GALNT10: variants seen among roughly 807,000 people sequenced by gnomAD.
The protein encoded by GALNT10 is polypeptide N-acetylgalactosaminyltransferase 10, also known as GalNAc transferase 10.
GALNT10 carries 41 observed loss-of-function variants against 75.0 expected under a neutral mutation model. That is an observed-to-expected ratio of 0.55 (90% CI 0.43 to 0.71). The LOEUF (loss-of-function observed/expected upper bound fraction) is 0.71. Ranked by LOEUF, GALNT10 falls within the 30% of genes least tolerant of loss-of-function variation. The pLI, the probability that GALNT10 is intolerant of heterozygous loss-of-function variation, is 0.00. For synonymous variants in GALNT10, 302 were observed against 313.0 expected (o/e 0.96, Z 0.37); for missense variants, 727 against 818.5 (o/e 0.89, Z 1.36).
At chr5:154,373,734 C>T (rs550853059) in intron 4 of GALNT10, among the ~76,000 whole-genome samples, 24 of 152,182 alleles carry the variant, frequency 1.6e-4, no homozygotes, top group East Asian at 1.5e-3. Flanking sequence ...GGCAACGGCC[C>T]GATTTTGTGT....
intron 7 of GALNT10, chr5:154,403,734 AG>A (rs1299276039): frequency 3.2e-6 from 1 of 311,638 alleles, no homozygotes; most frequent in African/African-American, 2.2e-5. Flanking sequence ...CAGCTAAAAC[AG>A]GGTTTAAATT....
At chr5:154,246,143 AT>A (rs36165395) in intron 1 of GALNT10, among the ~76,000 whole-genome samples, 6 of 151,394 alleles carry the variant, frequency 4.0e-5, no homozygotes, top group Admixed American at 6.6e-5. Context: ...TGAATTCATC[AT>A]TTTTTTTGGC....
intron 3 of GALNT10, among the ~76,000 whole-genome samples, chr5:154,327,054 A>G (rs569211481): frequency 9.2e-5 from 14 of 152,094 alleles, no homozygotes; most frequent in South Asian, 6.2e-4. Flanking sequence ...TGTCTCTACA[A>G]AAAAATTCAA....
chr5:154,382,358 A>G (rs1437278791), intron 6 of GALNT10, among the ~76,000 whole-genome samples: 1 of 152,220 alleles, frequency 6.6e-6, no homozygotes, highest in Non-Finnish European at 1.5e-5. Flanking sequence ...ACAGTTGATC[A>G]CTACTATTAG....
chr5:154,414,620 T>A (rs184460513), intron 10 of GALNT10, among the ~76,000 whole-genome samples: 1 of 151,514 alleles, frequency 6.6e-6, no homozygotes, highest in Admixed American at 6.6e-5. Flanking sequence ...CAGAGGAGCA[T>A]GAGGACACTT....
chr5:154,293,611 A>ATTTTTTTTTTTTTTTTTTTTTTTTTTT (rs912343114), intron 1 of GALNT10, among the ~76,000 whole-genome samples: 8 of 96,774 alleles, frequency 8.3e-5, no homozygotes, highest in Non-Finnish European at 1.8e-4. Context: ...ATATATATAT[A>ATTTTTTTTTTTTTTTTTTTTTTTTTTT]TATTTTTTTT....
chr5:154,236,009 A>G (rs769631050), intron 1 of GALNT10, among the ~76,000 whole-genome samples: 4 of 152,220 alleles, frequency 2.6e-5, no homozygotes, highest in Non-Finnish European at 4.4e-5. Context: ...TGATGTTTAC[A>G]TAGTTCCCAG....
At chr5:154,383,256 G>C (rs530214886) in intron 6 of GALNT10, among the ~76,000 whole-genome samples, 1 of 152,244 alleles carries the variant, frequency 6.6e-6, no homozygotes, top group South Asian at 2.1e-4. Flanking sequence ...CTTCCCACTT[G>C]ATGGTAGAGT....
At chr5:154,320,166 A>C (rs1754652021) in intron 3 of GALNT10, among the ~76,000 whole-genome samples, 1 of 152,236 alleles carries the variant, frequency 6.6e-6, no homozygotes, top group African/African-American at 2.4e-5. Context: ...GAATGGATGG[A>C]TAGAGGAGGG....
intron 4 of GALNT10, among the ~76,000 whole-genome samples, chr5:154,344,299 C>T (rs1015944428): frequency 6.6e-6 from 1 of 151,312 alleles, no homozygotes; most frequent in Non-Finnish European, 1.5e-5. Flanking sequence ...GCAGCCTCCA[C>T]CTCCTGGGTT....
At chr5:154,413,923 T>TAA (rs1255740896) in intron 10 of GALNT10, among the ~76,000 whole-genome samples, 4 of 152,298 alleles carry the variant, frequency 2.6e-5, no homozygotes, top group East Asian at 1.9e-4. Context: ...CTAGAATATA[T>TAA]AAATGAAAGG....
intron 3 of GALNT10, among the ~76,000 whole-genome samples, chr5:154,304,920 C>G (rs1392218789): frequency 6.6e-6 from 1 of 152,008 alleles, no homozygotes; most frequent in East Asian, 1.9e-4. Flanking sequence ...AGAATTATAG[C>G]TAATAAGCCA....
chr5:154,308,549 C>T (rs770419937), intron 3 of GALNT10, among the ~76,000 whole-genome samples: 1 of 152,190 alleles, frequency 6.6e-6, no homozygotes, highest in Non-Finnish European at 1.5e-5. Context: ...TGTCGGAGAC[C>T]CTGAGAACTA....
rs1176426740 is a variant in GALNT10 at position 154,420,100 on chromosome 5, A to C, written c.*3128A>C. On this transcript the variant is annotated 3_prime_UTR_variant, in exon 12 of 12. Transcript: ENST00000297107. The stretch of plus-strand genomic sequence containing the variant: ...CATCCCATCTTCTGCCTCCAGTTGG[A>C]GCTTTCAGCTGTTAAAACAGTCAGA... The C allele has an allele frequency of 6.6e-6, 1 of 152,228 alleles. No individual in the cohort carries two copies. The highest frequency in any genetic ancestry group is 2.4e-5 in the African/African-American group (1 of 41,458). The allele number at this position is 152,228 out of a possible 1,614,324, so 9.4% of individuals were successfully genotyped here.
In GALNT10 at chr5:154,416,238, G is replaced by A. The variant is rs1156593988; in HGVS notation, c.1653+306G>A. Among the ~76,000 whole-genome samples the A allele has an allele frequency of 1.3e-5, 2 of 151,924 alleles. No homozygotes were observed. Among genetic ancestry groups the A allele is most frequent in the African/African-American group, 2.4e-5 (1 of 41,334 alleles). ...GTGGATCACCTGAGGTCAGGAGTTC[G>A]AGACTAGCCTGGCCAACATGGTGAA... On this transcript the variant is annotated intron_variant, in intron 11 of 11. Coordinates refer to ENST00000297107, the MANE Select transcript of GALNT10 (RefSeq NM_198321.4). The surrounding 1 kb of genome is among the most constrained non-coding windows in gnomAD (Gnocchi z 4.5).
rs1441618460 is a variant in GALNT10 at position 154,298,256 on chromosome 5, A to G, written c.401+177A>G. On this transcript the variant is annotated intron_variant, in intron 3 of 11. Coordinates refer to ENST00000297107, the MANE Select transcript of GALNT10 (RefSeq NM_198321.4). The surrounding 1 kb of genome is among the most constrained non-coding windows in gnomAD (Gnocchi z 4.1). ...GTAGGAGATAATACTGTCTCTCCAG[A>G]TGAGCCAGCCTCCTTCCTCTTTTCA... 2.0e-5 allele frequency among the ~76,000 whole-genome samples: 3 copies of G among 152,180 alleles called. No individual in the cohort carries two copies. The East Asian group carries it at 5.8e-4, about 29-fold the overall frequency.
intron 5 of GALNT10, among the ~76,000 whole-genome samples, chr5:154,378,316 T>TCA (rs1464736425): frequency 7.6e-6 from 1 of 132,182 alleles, no homozygotes; most frequent in East Asian, 2.3e-4. Context: ...ATTTCCTTTT[T>TCA]TATCATCATC....
At chr5:154,306,004 C>T (rs986442697) in intron 3 of GALNT10, among the ~76,000 whole-genome samples, 22 of 152,010 alleles carry the variant, frequency 1.4e-4, no homozygotes, top group Admixed American at 1.0e-3. Context: ...GGTGACAAAG[C>T]GAGACTCCAT....
intron 4 of GALNT10, among the ~76,000 whole-genome samples, chr5:154,363,774 C>T (rs556064316): frequency 1.1e-4 from 16 of 152,270 alleles, no homozygotes; most frequent in African/African-American, 2.6e-4. Flanking sequence ...TGCTTCCTGA[C>T]GCTACCTCCT....
Sources: gnomAD v4.1 joint callset for allele counts (sites outside exome capture counted in the v4.1 genomes callset) on GRCh38, gnomAD v4.1.1 for gene constraint, Gnocchi (gnomAD v3.1) non-coding constraint, MANE v1.5 for transcripts, NCBI Gene and HGNC (gene_info 2026-07-23, HGNC 2026-07-21) for gene names.